DCLK1: variants seen among roughly 807,000 people sequenced by gnomAD.
DCLK1 encodes the protein doublecortin like kinase 1, also known as serine/threonine-protein kinase DCLK1.
DCLK1 carries 16 observed loss-of-function variants against 86.2 expected under a neutral mutation model. That is an observed-to-expected ratio of 0.19 (90% CI 0.13 to 0.28). The LOEUF (loss-of-function observed/expected upper bound fraction) is 0.28, where lower values mean the gene tolerates loss of function less well. Ranked by LOEUF, DCLK1 falls within the 10% of genes least tolerant of loss-of-function variation. DCLK1 has a pLI of 1.00. For synonymous variants in DCLK1, 369 were observed against 370.5 expected (o/e 1.00, Z 0.05); for missense variants, 590 against 940.2 (o/e 0.63, Z 4.87).
intron 3 of DCLK1, among the ~76,000 whole-genome samples, chr13:36,098,442 T>A (rs577294702): frequency 6.6e-6 from 1 of 152,332 alleles, no homozygotes; most frequent in East Asian, 1.9e-4. Context: ...AAAAGTCACA[T>A]GAACAGAATC....
intron 4 of DCLK1, among the ~76,000 whole-genome samples, chr13:35,935,075 G>T (rs1363078685): frequency 6.6e-6 from 1 of 152,136 alleles, no homozygotes; most frequent in Non-Finnish European, 1.5e-5. Context: ...AGTTTGGTGG[G>T]TGAGGAAGGA....
intron 11 of DCLK1, among the ~76,000 whole-genome samples, chr13:35,812,665 C>T (rs1421228651): frequency 6.6e-6 from 1 of 152,248 alleles, no homozygotes; most frequent in African/African-American, 2.4e-5. Flanking sequence ...ATCTGAAAGA[C>T]TGCATCTTTT....
At chr13:36,130,552 A>T (rs1425829897) in intron 1 of DCLK1, among the ~76,000 whole-genome samples, 2 of 152,128 alleles carry the variant, frequency 1.3e-5, no homozygotes, top group African/African-American at 4.8e-5. Context: ...GCAGGTACTA[A>T]TTTGAACATG....
chr13:35,881,508 T>C (rs1451887194), intron 4 of DCLK1, among the ~76,000 whole-genome samples: 1 of 152,194 alleles, frequency 6.6e-6, no homozygotes, highest in African/African-American at 2.4e-5. Flanking sequence ...GTTGGCTGAC[T>C]CCTTGCTATA....
intron 3 of DCLK1, among the ~76,000 whole-genome samples, chr13:36,084,095 C>CT (rs1254730319): frequency 3.3e-5 from 5 of 152,160 alleles, no homozygotes; most frequent in Non-Finnish European, 7.3e-5. Context: ...CAAACAGACA[C>CT]TTAGGATTAG....
intron 3 of DCLK1, among the ~76,000 whole-genome samples, chr13:36,017,710 C>T (rs1881594139): frequency 6.6e-6 from 1 of 152,144 alleles, no homozygotes; most frequent in Admixed American, 6.6e-5. Flanking sequence ...CCCTCTTTAC[C>T]TATCATTGCC....
intron 4 of DCLK1, among the ~76,000 whole-genome samples, chr13:35,936,525 G>C (rs147351744): frequency 6.6e-6 from 1 of 152,328 alleles, no homozygotes; most frequent in East Asian, 1.9e-4. Flanking sequence ...GCCTTGCTGT[G>C]AATTCCATCA....
Position 35,773,942 on chromosome 13 carries a change from A to G in DCLK1, c.*593T>C, listed in dbSNP as rs1321882119. On this transcript the variant is annotated 3_prime_UTR_variant, in exon 17 of 17. Transcript: ENST00000360631. The stretch of plus-strand genomic sequence containing the variant: ...GCAGAACTCACTGCAACTGACAGTC[A>G]TATCTCTAATGAAAAAAAAAATCTG... The G allele has an allele frequency of 6.6e-6, 1 of 151,460 alleles. No individual in the cohort carries two copies. The allele number at this position is 151,460 out of a possible 1,614,324, so 9.4% of individuals were successfully genotyped here. A position where few individuals can be genotyped will look rare whatever the true frequency, so the allele number is the denominator to read the frequency against.
chr13:35,976,101 T>C (rs1039983323), intron 3 of DCLK1, among the ~76,000 whole-genome samples: 2 of 152,130 alleles, frequency 1.3e-5, no homozygotes, highest in Non-Finnish European at 2.9e-5. Flanking sequence ...GAGCTCACTG[T>C]TTTCCTCGGG....
At position 35,847,723 on chromosome 13, in the gene DCLK1, G is replaced by GTATA. The variant is rs139327867; in HGVS notation, c.1035+6772_1035+6775dup. On this transcript the variant is annotated intron_variant, in intron 6 of 16. Transcript: ENST00000360631. The stretch of plus-strand genomic sequence containing the variant: ...GAAATTCCCCGGCTGGTTATGTAGG[G>GTATA]TATATATATATATAGTACATCAGCG... 1.8e-4 allele frequency: 170 copies of GTATA among 940,540 alleles called. No homozygotes were observed. The African/African-American group carries it at 2.8e-3, about 15-fold the overall frequency. 58.3% of individuals were successfully genotyped at this position (940,540 alleles called of 1,614,324 possible). A position where few individuals can be genotyped will look rare whatever the true frequency, so the allele number is the denominator to read the frequency against.
intron 4 of DCLK1, among the ~76,000 whole-genome samples, chr13:35,906,250 A>G (rs1874682623): frequency 1.3e-5 from 2 of 152,030 alleles, no homozygotes; most frequent in African/African-American, 4.8e-5. Context: ...AGTTTTAAAA[A>G]GTTTCCTAAA....
At chr13:36,042,568 AT>A (rs2153155492) in intron 3 of DCLK1, among the ~76,000 whole-genome samples, 1 of 152,352 alleles carries the variant, frequency 6.6e-6, no homozygotes, top group Admixed American at 6.5e-5. Context: ...AAATGTTCAA[AT>A]AACAATATTA....
At chr13:35,828,340 A>C (rs781341187) in intron 8 of DCLK1, 33 bp from the exon 9 acceptor site, 35 of 1,543,992 alleles carry the variant, frequency 2.3e-5, no homozygotes, top group Non-Finnish European at 2.8e-5. Flanking sequence ...TTTAAAATGA[A>C]ACTTAACTTC....
rs551356735 is a variant in DCLK1, at chr13:35,913,576, A to G, written c.823+33782T>C. On this transcript the variant is annotated intron_variant, in intron 4 of 16. Coordinates refer to ENST00000360631, the MANE Select transcript of DCLK1 (RefSeq NM_001330071.2). The stretch of plus-strand genomic sequence containing the variant: ...GAAATACACAGAAAAGGCTATCTGC[A>G]TATACCCTTGGCTATCAAAGTTTTA... Among the ~76,000 whole-genome samples, 9 of 152,336 alleles carry G rather than the reference A, an allele frequency of 5.9e-5. No individual in the cohort carries two copies. The East Asian group carries it at 7.7e-4, about 13-fold the overall frequency.
At chr13:36,043,149 C>T (rs1001317908) in intron 3 of DCLK1, among the ~76,000 whole-genome samples, 5 of 151,926 alleles carry the variant, frequency 3.3e-5, no homozygotes, top group African/African-American at 1.2e-4. Context: ...AGTAAAGATA[C>T]AGTCATTTAC....
chr13:36,111,598 T>C lies in DCLK1; in HGVS notation c.723+271A>G, dbSNP rs145106309. Among the ~76,000 whole-genome samples, 15 of 152,324 alleles carry C rather than the reference T, an allele frequency of 9.8e-5. No homozygotes were observed. The East Asian group carries it at 2.5e-3, about 25-fold the overall frequency. On this transcript the variant is annotated intron_variant, in intron 3 of 16. Transcript: ENST00000360631. ...GAAAACAGATGACAGAAAAGAATCA[T>C]TATGTTAAGCAAATAATAAATGAAC...
intron 3 of DCLK1, among the ~76,000 whole-genome samples, chr13:36,090,072 C>T (rs1884763403): frequency 6.6e-6 from 1 of 152,144 alleles, no homozygotes; most frequent in Admixed American, 6.5e-5. Flanking sequence ...TACGACATGC[C>T]CTCCAATACA....
At position 35,770,877 on chromosome 13, in the gene DCLK1, A is replaced by G. The variant is rs928510690; in HGVS notation, c.*3658T>C. On this transcript the variant is annotated 3_prime_UTR_variant, in exon 17 of 17. Transcript: ENST00000360631. Reference sequence around the variant, plus strand: ...AGAAGTTGGAAAGAGAAGGAAGTAAACCTTCACTCTTTGGTACAGCCCTGT... The same window carrying G: ...AGAAGTTGGAAAGAGAAGGAAGTAAGCCTTCACTCTTTGGTACAGCCCTGT... 16 of 152,248 alleles carry G rather than the reference A, an allele frequency of 1.1e-4. No homozygotes were observed. The highest frequency in any genetic ancestry group is 2.2e-4 in the Non-Finnish European group (15 of 68,026). 9.4% of individuals were successfully genotyped at this position (152,248 alleles called of 1,614,324 possible).
chr13:36,090,010 GT>G (rs1339073310), intron 3 of DCLK1, among the ~76,000 whole-genome samples: 1 of 152,166 alleles, frequency 6.6e-6, no homozygotes, highest in African/African-American at 2.4e-5. Flanking sequence ...TAAGCATTAG[GT>G]TAATAACCTA....
Sources: gnomAD v4.1 joint callset for allele counts (sites outside exome capture counted in the v4.1 genomes callset) on GRCh38, gnomAD v4.1.1 for gene constraint, MANE v1.5 for transcripts, NCBI Gene and HGNC (gene_info 2026-07-23, HGNC 2026-07-21) for gene names.